Variants in TSNARE1 observed in about 807,000 individuals in gnomAD.
TSNARE1 encodes t-SNARE domain-containing protein 1.
Under a neutral mutation model 62.0 loss-of-function variants are expected in TSNARE1, and 49 were observed. The observed-to-expected ratio is 0.79, with a 90% CI of 0.63 to 1.00. The LOEUF is 1.00. Among genes scored for constraint, TSNARE1 ranks in the 50% least tolerant of loss-of-function variants. The pLI is 0.00. For synonymous variants in TSNARE1, 328 were observed against 294.4 expected, an observed-to-expected ratio of 1.11 and a Z score of -1.17; for missense variants, 755 against 700.1, an observed-to-expected ratio of 1.08 and a Z score of -0.88.
intron 13 of TSNARE1, among the ~76,000 whole-genome samples, chr8:142,223,287 TACTC>T (rs1258254576): frequency 3.8e-4 from 2 of 5,310 alleles, no homozygotes; most frequent in Admixed American, 1.9e-3. Context: ...CACTCACTCA[TACTC>T]ACTCAACCAC....
intron 1 of TSNARE1, among the ~76,000 whole-genome samples, chr8:142,372,901 C>T (rs1836015873): frequency 6.6e-6 from 1 of 152,112 alleles, no homozygotes; most frequent in Admixed American, 6.5e-5. Context: ...AGTGCTGTTT[C>T]CTTCCCTGCT....
chr8:142,271,385 A>C, intron 12 of TSNARE1: 1 of 1,218,842 alleles, frequency 8.2e-7, no homozygotes. Flanking sequence ...GGAGGACAGC[A>C]GGGCGCCCTG....
intron 12 of TSNARE1, chr8:142,270,223 G>C (rs1219372198): frequency 2.0e-6 from 2 of 985,266 alleles, no homozygotes; most frequent in African/African-American, 1.7e-5. Flanking sequence ...CCCGCCAAGG[G>C]ATCTCCCAAG....
chr8:142,348,604 G>C (rs1833687476), intron 2 of TSNARE1, among the ~76,000 whole-genome samples: 1 of 128,438 alleles, frequency 7.8e-6, no homozygotes, highest in African/African-American at 3.0e-5. Flanking sequence ...CCCGCCCCAG[G>C]CTGCCCCAAA....
intron 1 of TSNARE1, among the ~76,000 whole-genome samples, chr8:142,377,220 A>G (rs1282089727): frequency 6.6e-6 from 1 of 152,228 alleles, no homozygotes; most frequent in African/African-American, 2.4e-5. Context: ...CCCAAGATCT[A>G]TCCCAGATAG....
At chr8:142,304,815 T>G (rs4976996) in intron 9 of TSNARE1, among the ~76,000 whole-genome samples, 9 of 152,184 alleles carry the variant, frequency 5.9e-5, no homozygotes, top group Non-Finnish European at 1.2e-4. Context: ...AGCTACGGGG[T>G]AGAGACGTTC....
At chr8:142,373,916 A>G (rs1010845171) in intron 1 of TSNARE1, among the ~76,000 whole-genome samples, 6 of 152,164 alleles carry the variant, frequency 3.9e-5, no homozygotes, top group Non-Finnish European at 8.8e-5. Context: ...TAAAACATCA[A>G]CAAGAAGAAA....
At chr8:142,303,030 G>A (rs1431655364) in intron 9 of TSNARE1, among the ~76,000 whole-genome samples, 9 of 152,128 alleles carry the variant, frequency 5.9e-5, no homozygotes, top group East Asian at 1.9e-4. Flanking sequence ...TGCCCCTCCC[G>A]TGTGTGTGGG....
chr8:142,272,739 G>T, intron 12 of TSNARE1: 1 of 970,060 alleles, frequency 1.0e-6, no homozygotes, highest in Non-Finnish European at 1.2e-6. Flanking sequence ...AGGGCCCCTT[G>T]CAGGTAGGAG....
At chr8:142,225,042 T>C (rs908843610) in intron 13 of TSNARE1, among the ~76,000 whole-genome samples, 1 of 152,026 alleles carries the variant, frequency 6.6e-6, no homozygotes, top group Non-Finnish European at 1.5e-5. Flanking sequence ...CCTGTTCGCC[T>C]CCCTTCAGCC....
chr8:142,349,303 T>C (rs1003800308), intron 2 of TSNARE1, among the ~76,000 whole-genome samples: 7 of 152,206 alleles, frequency 4.6e-5, no homozygotes, highest in Admixed American at 2.6e-4. Context: ...GTTAAAGATA[T>C]TTAGAACTGA....
At chr8:142,282,268 C>G (rs1185916562) in intron 11 of TSNARE1, among the ~76,000 whole-genome samples, 1 of 152,258 alleles carries the variant, frequency 6.6e-6, no homozygotes, top group Non-Finnish European at 1.5e-5. Flanking sequence ...GCCTCTACAT[C>G]TCTGCAACCT....
At position 142,315,039 on chromosome 8, in the gene TSNARE1, G is replaced by A. The variant is rs1489348375; in HGVS notation, c.1038C>T (p.Leu346=). 6.2e-7 allele frequency: 1 copy of A among 1,614,150 alleles called. No homozygotes were observed. Among genetic ancestry groups the A allele is most frequent in the Non-Finnish European group, 8.5e-7 (1 of 1,180,040 alleles). The change falls in exon 8 of 14, where the codon CTC becomes CTT. Residue 346 remains leucine, a synonymous_variant. Transcript: ENST00000524325. ...RPQLDRLKTQ[L]SDAIQCYGVV... Reference sequence around the variant, plus strand: ...CTCCATAGCACTGAATGGCATCTGAGAGCTGGGTTTTCAGCCGGTCCAGCT... The same window carrying A: ...CTCCATAGCACTGAATGGCATCTGAAAGCTGGGTTTTCAGCCGGTCCAGCT...
chr8:142,397,596 G>A (rs1000133941), intron 1 of TSNARE1, among the ~76,000 whole-genome samples: 4 of 152,192 alleles, frequency 2.6e-5, no homozygotes, highest in Non-Finnish European at 4.4e-5. Flanking sequence ...GAGAAAACGA[G>A]GCAATCTTCC....
intron 9 of TSNARE1, among the ~76,000 whole-genome samples, chr8:142,300,886 GC>G (rs958547203): frequency 2.6e-5 from 4 of 152,068 alleles, no homozygotes; most frequent in African/African-American, 4.8e-5. Context: ...AGTGTCATCA[GC>G]CCCCCCGCAT....
intron 12 of TSNARE1, among the ~76,000 whole-genome samples, chr8:142,238,900 G>A (rs1817563345): frequency 6.6e-6 from 1 of 152,020 alleles, no homozygotes; most frequent in Non-Finnish European, 1.5e-5. Flanking sequence ...TCTCCTCCAG[G>A]AAGCCTCTCA....
In TSNARE1 at chr8:142,376,132, T is replaced by A. The variant is rs187466142; in HGVS notation, c.-39-21369A>T. ...GTGCAACCTTCAGAGAATCGCTCCA[T>A]CTCTCTGAGTCTATCCACATAATCC... On this transcript the variant is annotated intron_variant, in intron 1 of 13. Coordinates refer to ENST00000524325, the MANE Select transcript of TSNARE1 (RefSeq NM_145003.5). Among the ~76,000 whole-genome samples, 809 of 152,294 alleles carry A rather than the reference T, an allele frequency of 5.3e-3. 7 individuals carry two copies. Among genetic ancestry groups the A allele is most frequent in the African/African-American group, 0.018 (758 of 41,572 alleles).
At chr8:142,262,178 T>G (rs1432133778) in intron 12 of TSNARE1, among the ~76,000 whole-genome samples, 1 of 152,182 alleles carries the variant, frequency 6.6e-6, no homozygotes, top group Non-Finnish European at 1.5e-5. Flanking sequence ...GGCATGGCTG[T>G]TTTTAGGCCT....
At chr8:142,249,083 C>T (rs560416124) in intron 12 of TSNARE1, among the ~76,000 whole-genome samples, 1 of 152,252 alleles carries the variant, frequency 6.6e-6, no homozygotes, top group Non-Finnish European at 1.5e-5. Context: ...AGACACCGGG[C>T]CCCCGCCAGA....
Sources: gnomAD v4.1 joint callset for allele counts (sites outside exome capture counted in the v4.1 genomes callset) on GRCh38, gnomAD v4.1.1 for gene constraint, MANE v1.5 for transcripts, NCBI Gene and HGNC (gene_info 2026-07-23, HGNC 2026-07-21) for gene names.